SNTG1: variants seen among roughly 807,000 people sequenced by gnomAD.
The protein encoded by SNTG1 is syntrophin gamma 1.
In SNTG1, 39 loss-of-function variants were observed where a neutral mutation model predicts 74.7. That is an observed-to-expected ratio of 0.52 (90% confidence interval 0.40 to 0.68). SNTG1 has a LOEUF of 0.68. Among genes scored for constraint, SNTG1 ranks in the 30% least tolerant of loss-of-function variants. The pLI is 0.00. For missense variants in SNTG1, 685 were observed against 609.5 expected, an observed-to-expected ratio of 1.12 and a Z score of -1.30; for synonymous variants, 254 against 217.1, an observed-to-expected ratio of 1.17 and a Z score of -1.49.
chr8:50,606,841 CTTTTT>C (rs5891377), intron 13 of SNTG1, among the ~76,000 whole-genome samples: 3 of 151,298 alleles, frequency 2.0e-5, no homozygotes, highest in African/African-American at 7.3e-5. Context: ...TGCCTTATGC[CTTTTT>C]TTTATTTCTA....
chr8:50,273,924 G>T (rs1704340579), intron 2 of SNTG1, among the ~76,000 whole-genome samples: 9 of 152,030 alleles, frequency 5.9e-5, no homozygotes, highest in Admixed American at 5.2e-4. Context: ...GACCCTTTTT[G>T]ATTCATTTCA....
intron 9 of SNTG1, among the ~76,000 whole-genome samples, chr8:50,520,621 A>C (rs530664812): frequency 6.6e-5 from 10 of 152,362 alleles, no homozygotes; most frequent in Admixed American, 6.5e-4. Flanking sequence ...GGATATGAAC[A>C]GACACTTCTC....
chr8:50,211,041 CATGTTGTTAAACA>C (rs1213029858), intron 2 of SNTG1, among the ~76,000 whole-genome samples: 1 of 151,982 alleles, frequency 6.6e-6, no homozygotes, highest in African/African-American at 2.4e-5. Flanking sequence ...TTTTAGAATC[CATGTTGTTAAACA>C]ATATTAAGTT....
intron 2 of SNTG1, among the ~76,000 whole-genome samples, chr8:50,212,660 T>C (rs2084577011): frequency 6.6e-6 from 1 of 152,126 alleles, no homozygotes; most frequent in South Asian, 2.1e-4. Context: ...TATGAGACAG[T>C]TAATTCTCAT....
intron 13 of SNTG1, among the ~76,000 whole-genome samples, chr8:50,642,565 G>A (rs769267274): frequency 3.9e-5 from 6 of 151,980 alleles, no homozygotes; most frequent in Non-Finnish European, 5.9e-5. Flanking sequence ...CCCCAAGATC[G>A]TCCTGGCAAG....
chr8:50,084,341 G>A (rs917896817), intron 1 of SNTG1, among the ~76,000 whole-genome samples: 1 of 152,030 alleles, frequency 6.6e-6, no homozygotes, highest in African/African-American at 2.4e-5. Context: ...GGCACCTGTA[G>A]TCCCAGCTAC....
chr8:50,085,255 A>G (rs1287787412), intron 1 of SNTG1, among the ~76,000 whole-genome samples: 1 of 152,218 alleles, frequency 6.6e-6, no homozygotes, highest in Non-Finnish European at 1.5e-5. Flanking sequence ...CCAAGTCTTT[A>G]TAGAAAAATT....
chr8:50,307,778 T>G (rs993556171), intron 2 of SNTG1, among the ~76,000 whole-genome samples: 1 of 151,072 alleles, frequency 6.6e-6, no homozygotes, highest in Admixed American at 6.6e-5. Context: ...TTATAACTTC[T>G]TTCTGTTCTT....
chr8:50,432,410 G>C lies in SNTG1; in HGVS notation c.163-6133G>C, dbSNP rs1441427086. ...TCTGTCAAAAATGCCATGTTGTGTT[G>C]TGTACTAAAACTTTATAGTAAGTCC... On this transcript the variant is annotated intron_variant, in intron 4 of 18. Transcript: ENST00000642720. Among the ~76,000 whole-genome samples, 5 of 151,346 alleles carry C rather than the reference G, an allele frequency of 3.3e-5. No homozygotes were observed. The East Asian group carries it at 9.7e-4, about 29-fold the overall frequency.
intron 2 of SNTG1, among the ~76,000 whole-genome samples, chr8:50,303,245 T>C (rs1012349723): frequency 6.6e-5 from 10 of 152,174 alleles, no homozygotes; most frequent in Admixed American, 3.9e-4. Context: ...CAAATAGTTC[T>C]TGTTTATAAA....
At chr8:50,054,663 C>T (rs1819873526) in intron 1 of SNTG1, among the ~76,000 whole-genome samples, 1 of 151,978 alleles carries the variant, frequency 6.6e-6, no homozygotes. Flanking sequence ...CTGTTCCAGC[C>T]TCAGTTCTTA....
At chr8:50,702,996 T>C (rs562103604) in intron 15 of SNTG1, among the ~76,000 whole-genome samples, 3 of 152,316 alleles carry the variant, frequency 2.0e-5, no homozygotes, top group South Asian at 4.1e-4. Flanking sequence ...AGAATGGTAG[T>C]TGCTCTGGGT....
chr8:50,493,753 A>G (rs2093879280), intron 8 of SNTG1, among the ~76,000 whole-genome samples: 1 of 150,662 alleles, frequency 6.6e-6, no homozygotes. Flanking sequence ...AATATTTTTT[A>G]CTTCTATATA....
At chr8:50,606,968 T>G (rs922649374) in intron 13 of SNTG1, among the ~76,000 whole-genome samples, 1 of 151,926 alleles carries the variant, frequency 6.6e-6, no homozygotes, top group Non-Finnish European at 1.5e-5. Flanking sequence ...ATTGTTGGAC[T>G]CAATTTTCTA....
chr8:50,506,155 C>A (rs2094004593), intron 9 of SNTG1, among the ~76,000 whole-genome samples: 1 of 152,012 alleles, frequency 6.6e-6, no homozygotes, highest in African/African-American at 2.4e-5. Context: ...AAAATAATTT[C>A]ATCACATATT....
intron 18 of SNTG1, among the ~76,000 whole-genome samples, chr8:50,765,955 G>A (rs187376001): frequency 8.5e-5 from 13 of 152,048 alleles, no homozygotes; most frequent in East Asian, 1.9e-4. Flanking sequence ...AGGAATTTAC[G>A]TGGCTTAAGA....
At chr8:49,962,556 C>G (rs1810785121) in intron 1 of SNTG1, among the ~76,000 whole-genome samples, 1 of 151,766 alleles carries the variant, frequency 6.6e-6, no homozygotes, top group Non-Finnish European at 1.5e-5. Context: ...CTGTATTTAC[C>G]TCAGATAGAG....
At chr8:49,954,736 G>A (rs1255596237) in intron 1 of SNTG1, among the ~76,000 whole-genome samples, 2 of 151,872 alleles carry the variant, frequency 1.3e-5, no homozygotes, top group Non-Finnish European at 2.9e-5. Context: ...CTTTTCCAAT[G>A]TTAATGTTTC....
At chr8:50,540,711 G>C (rs1382084998) in intron 11 of SNTG1, among the ~76,000 whole-genome samples, 1 of 152,030 alleles carries the variant, frequency 6.6e-6, no homozygotes, top group Admixed American at 6.6e-5. Flanking sequence ...ATAAATTCCT[G>C]TTATATGATG....
Sources: gnomAD v4.1 joint callset for allele counts (sites outside exome capture counted in the v4.1 genomes callset) on GRCh38, gnomAD v4.1.1 for gene constraint, MANE v1.5 for transcripts, NCBI Gene and HGNC (gene_info 2026-07-23, HGNC 2026-07-21) for gene names.